The following RAD54L2 variants were observed in gnomAD, a reference collection of about 807,000 sequenced individuals.
The protein encoded by RAD54L2 is RAD54 like 2, also known as helicase ARIP4.
In RAD54L2, 27 loss-of-function variants were observed where a neutral mutation model predicts 138.4. That is an observed-to-expected ratio of 0.20 (90% confidence interval 0.14 to 0.27). The LOEUF is 0.27. Ranked by LOEUF, RAD54L2 falls within the 10% of genes least tolerant of loss-of-function variation. The probability of loss-of-function intolerance (pLI) is 1.00; values close to 1 mark genes in which losing one functional copy is unlikely to be tolerated. For synonymous variants in RAD54L2, 644 were observed against 723.2 expected (o/e 0.89, Z 1.76); for missense variants, 1,396 against 1,890.2 (o/e 0.74, Z 4.85).
At chr3:51,630,545 T>C (rs1700810439) in intron 6 of RAD54L2, 157 bp downstream of exon 6, 1 of 980,218 alleles carries the variant, frequency 1.0e-6, no homozygotes, top group African/African-American at 1.6e-5. Context: ...TTTTTGCTTG[T>C]CTTAACTTGA....
At chr3:51,576,604 A>AT (rs1321973741) in intron 2 of RAD54L2, among the ~76,000 whole-genome samples, 3 of 151,532 alleles carry the variant, frequency 2.0e-5, no homozygotes, top group East Asian at 3.9e-4. Context: ...GAATTTATCC[A>AT]TTTTTTCTAG....
intron 2 of RAD54L2, 176 bp downstream of exon 2, chr3:51,541,826 A>G (rs1346794301): frequency 6.6e-6 from 1 of 152,254 alleles, no homozygotes; most frequent in Non-Finnish European, 1.5e-5. Context: ...AAATGAAGAA[A>G]TGTAAAATCA....
chr3:51,543,838 T>C (rs1577377680), intron 2 of RAD54L2, among the ~76,000 whole-genome samples: 1 of 152,144 alleles, frequency 6.6e-6, no homozygotes, highest in East Asian at 1.9e-4. Flanking sequence ...TATTTTGCTC[T>C]CTATTCTACA....
chr3:51,545,060 CTG>C (rs1161824503), intron 2 of RAD54L2, among the ~76,000 whole-genome samples: 2 of 152,210 alleles, frequency 1.3e-5, no homozygotes, highest in Admixed American at 6.6e-5. Flanking sequence ...ATAAAATTAT[CTG>C]TATCCGTTTT....
intron 18 of RAD54L2, 67 bp from the exon 19 acceptor site, chr3:51,646,218 C>G: frequency 1.4e-6 from 2 of 1,436,408 alleles, no homozygotes; most frequent in Admixed American, 4.4e-5. Context: ...TTTTCTTGGT[C>G]CTAAAGTAAG....
Position 51,663,593 on chromosome 3 carries a change from G to GAA in RAD54L2, c.*173_*174insAA. The GAA allele has an allele frequency of 6.5e-5, 6 of 92,006 alleles. No individual in the cohort carries two copies. Among genetic ancestry groups the GAA allele is most frequent in the Admixed American group, 5.7e-4 (3 of 5,240 alleles). The allele number at this position is 92,006 out of a possible 1,614,324, so 5.7% of individuals were successfully genotyped here. A position where few individuals can be genotyped will look rare whatever the true frequency, so the allele number is the denominator to read the frequency against. On this transcript the variant is annotated 3_prime_UTR_variant, in exon 23 of 23. Coordinates refer to ENST00000684192, the MANE Select transcript of RAD54L2 (RefSeq NM_015106.4). The stretch of plus-strand genomic sequence containing the variant: ...GCTCTGTTGCTGTTTAACAAAAGAG[G>GAA]CAAAAAAAAAAAAAAAAAAAAAAAA...
intron 7 of RAD54L2, 105 bp from the exon 8 acceptor site, chr3:51,633,472 A>G (rs1284670035): frequency 6.2e-6 from 7 of 1,134,126 alleles, no homozygotes; most frequent in South Asian, 1.5e-5. Flanking sequence ...GCTATCTATT[A>G]TAACGCCTTC....
At chr3:51,633,237 C>T (rs1700893910) in intron 7 of RAD54L2, among the ~76,000 whole-genome samples, 1 of 152,078 alleles carries the variant, frequency 6.6e-6, no homozygotes, top group Admixed American at 6.6e-5. Flanking sequence ...ACAACAAAAA[C>T]AAACTACTCC....
chr3:51,585,570 G>A lies in RAD54L2; in HGVS notation c.-54-4797G>A, dbSNP rs77621578. ...GCATGATTAATTCTGCTGATTGTTG[G>A]CCAGGTACCACTCTATTGACAGGTG... On this transcript the variant is annotated intron_variant, in intron 2 of 22. Coordinates refer to ENST00000684192, the MANE Select transcript of RAD54L2 (RefSeq NM_015106.4). Among the ~76,000 whole-genome samples the A allele has an allele frequency of 1.2e-3, 184 of 152,204 alleles. 3 individuals are homozygous for A. In the East Asian group the frequency reaches 0.028, roughly 23 times the overall value.
intron 10 of RAD54L2, chr3:51,636,932 C>CA (rs1348524873): frequency 3.1e-5 from 17 of 540,582 alleles, no homozygotes; most frequent in Non-Finnish European, 2.7e-5. Flanking sequence ...GACTCTGTCT[C>CA]AAAAAAGAAA....
chr3:51,607,986 C>T (rs1295855216), intron 3 of RAD54L2, among the ~76,000 whole-genome samples: 6 of 148,950 alleles, frequency 4.0e-5, no homozygotes, highest in African/African-American at 1.5e-4. Flanking sequence ...CCCCACCTCC[C>T]GGGCGGGGCA....
chr3:51,580,041 C>T (rs916259440), intron 2 of RAD54L2, among the ~76,000 whole-genome samples: 4 of 152,114 alleles, frequency 2.6e-5, no homozygotes, highest in African/African-American at 7.2e-5. Context: ...TCAATTCTGA[C>T]ACTGCCGGGA....
In RAD54L2 at chr3:51,663,408, C is replaced by A. The variant is rs759330382; in HGVS notation, c.4392C>A (p.Val1464=). 8 of 1,610,638 alleles carry A rather than the reference C, an allele frequency of 5.0e-6. No homozygotes were observed. In the South Asian group the frequency reaches 8.8e-5, roughly 18 times the overall value. ...DEDKDDDVIE[V]TGK is the part of the protein sequence containing the mutation. Reference sequence around the variant, plus strand: ...ATAAAGACGATGATGTGATAGAGGTCACTGGGAAATAGCTAGGGAGCCCCT... The same window carrying A: ...ATAAAGACGATGATGTGATAGAGGTAACTGGGAAATAGCTAGGGAGCCCCT... The change falls in exon 23 of 23, where the codon GTC becomes GTA. Residue 1464 remains valine (V), a synonymous_variant. Transcript: ENST00000684192.
chr3:51,618,568 CTCTG>C (rs1700499544), intron 3 of RAD54L2, among the ~76,000 whole-genome samples: 1 of 151,970 alleles, frequency 6.6e-6, no homozygotes, highest in Non-Finnish European at 1.5e-5. Flanking sequence ...CAGAGCAAGA[CTCTG>C]TCTGAAAAAA....
At chr3:51,629,206 G>A (rs1484920623) in intron 4 of RAD54L2, 128 bp from the exon 5 acceptor site, 6 of 989,778 alleles carry the variant, frequency 6.1e-6, no homozygotes, top group Non-Finnish European at 4.4e-6. Flanking sequence ...GTATGGTGGG[G>A]CTGATGTGGC....
intron 2 of RAD54L2, among the ~76,000 whole-genome samples, chr3:51,574,639 GTCT>G (rs918600460): frequency 3.3e-5 from 5 of 152,172 alleles, no homozygotes; most frequent in African/African-American, 1.2e-4. Flanking sequence ...CTGCATAAAT[GTCT>G]TCTTTTGAGA....
At chr3:51,660,830 C>CCT (rs1701748200) in intron 22 of RAD54L2, among the ~76,000 whole-genome samples, 1 of 150,020 alleles carries the variant, frequency 6.7e-6, no homozygotes. Context: ...CCATGTTGAT[C>CCT]AGGCTGGTCT....
intron 19 of RAD54L2, among the ~76,000 whole-genome samples, chr3:51,647,575 A>G (rs373904974): frequency 6.6e-6 from 1 of 152,264 alleles, no homozygotes; most frequent in South Asian, 2.1e-4. Context: ...AGGCTGAGGC[A>G]GGAGAATTGC....
intron 3 of RAD54L2, among the ~76,000 whole-genome samples, chr3:51,612,621 T>C (rs990619976): frequency 2.6e-5 from 4 of 152,028 alleles, no homozygotes; most frequent in Non-Finnish European, 4.4e-5. Context: ...TTGTTACTTA[T>C]ATACTTATGT....
Sources: gnomAD v4.1 joint callset for allele counts (sites outside exome capture counted in the v4.1 genomes callset) on GRCh38, gnomAD v4.1.1 for gene constraint, MANE v1.5 for transcripts, NCBI Gene and HGNC (gene_info 2026-07-23, HGNC 2026-07-21) for gene names.